The following MARK3 variants were observed in gnomAD, a reference collection of about 807,000 sequenced individuals.
The protein encoded by MARK3 is microtubule affinity regulating kinase 3, also known as MAP/microtubule affinity-regulating kinase 3.
In MARK3, 46 loss-of-function variants were observed where a neutral mutation model predicts 90.1. That is an observed-to-expected ratio of 0.51 (90% CI 0.40 to 0.65). The LOEUF is 0.65. Among genes scored for constraint, MARK3 ranks in the 30% least tolerant of loss-of-function variants. The pLI is 0.00. For synonymous variants in MARK3, 321 were observed against 332.6 expected, an observed-to-expected ratio of 0.97 and a Z score of 0.38; for missense variants, 818 against 947.2, an observed-to-expected ratio of 0.86 and a Z score of 1.79.
intron 3 of MARK3, among the ~76,000 whole-genome samples, chr14:103,440,787 T>G (rs2141199390): frequency 6.6e-6 from 1 of 151,812 alleles, no homozygotes; most frequent in South Asian, 2.1e-4. Context: ...ATTTTTTTTT[T>G]TTTTAATTAT....
chr14:103,426,439 T>C (rs1442419173), intron 2 of MARK3, among the ~76,000 whole-genome samples: 2 of 152,124 alleles, frequency 1.3e-5, no homozygotes, highest in Admixed American at 6.6e-5. Flanking sequence ...CCCTGGACTT[T>C]GGCTATAGAT....
At chr14:103,396,699 G>A (rs1595450159) in intron 1 of MARK3, among the ~76,000 whole-genome samples, 1 of 152,058 alleles carries the variant, frequency 6.6e-6, no homozygotes, top group Admixed American at 6.6e-5. Flanking sequence ...CTCTTCTTGG[G>A]TGGTGCCTGG....
intron 2 of MARK3, among the ~76,000 whole-genome samples, chr14:103,427,497 CAAAA>C (rs71126021): frequency 1.8e-5 from 2 of 110,820 alleles, no homozygotes; most frequent in South Asian, 6.3e-4. Flanking sequence ...GAGACTGTTT[CAAAA>C]AAAAAAAAAA....
chr14:103,450,652 A>G (rs1318743553), intron 4 of MARK3, among the ~76,000 whole-genome samples: 1 of 152,138 alleles, frequency 6.6e-6, no homozygotes, highest in African/African-American at 2.4e-5. Context: ...AGGGAATGGT[A>G]TGATAGCTTT....
intron 2 of MARK3, among the ~76,000 whole-genome samples, chr14:103,421,976 C>T (rs1017028233): frequency 6.6e-6 from 1 of 152,214 alleles, no homozygotes. Context: ...CCTAGACTCA[C>T]TGGTTTCCTT....
chr14:103,454,925 T>C (rs2093241086), intron 5 of MARK3, among the ~76,000 whole-genome samples: 1 of 152,222 alleles, frequency 6.6e-6, no homozygotes, highest in South Asian at 2.1e-4. Context: ...AGCCACTCTT[T>C]GCTTCTTGTT....
chr14:103,500,285 C>CT (rs934382096), intron 17 of MARK3, 85 bp downstream of exon 17: 1 of 1,001,426 alleles, frequency 1.0e-6, no homozygotes, highest in African/African-American at 1.6e-5. Context: ...TGAATGTTCC[C>CT]TACTGTATTC....
intron 3 of MARK3, among the ~76,000 whole-genome samples, chr14:103,446,637 T>TGGTCAG (rs1199646541): frequency 6.6e-6 from 1 of 151,442 alleles, no homozygotes; most frequent in Non-Finnish European, 1.5e-5. Context: ...GCCATGGCCA[T>TGGTCAG]GGTCAGGGTT....
chr14:103,499,915 A>G (rs564922093), intron 16 of MARK3: 1 of 537,956 alleles, frequency 1.9e-6, no homozygotes, highest in African/African-American at 1.9e-5. Context: ...AATGTGTGTG[A>G]TGTATGCAGT....
At chr14:103,432,543 G>A (rs75620324) in intron 3 of MARK3, among the ~76,000 whole-genome samples, 1,448 of 136,528 alleles carry the variant, frequency 0.011, 21 homozygotes, top group African/African-American at 0.034. Context: ...TTTAGAGACA[G>A]GCAAAGGCTG....
In MARK3 at chr14:103,462,399, A is replaced by G. The variant is rs373197790; in HGVS notation, c.484-6A>G. On this transcript the variant is annotated splice_region_variant and splice_polypyrimidine_tract_variant and intron_variant, in intron 6 of 17. Coordinates refer to ENST00000429436, the MANE Select transcript of MARK3 (RefSeq NM_001128918.3). ...TGATGACTGACTCTGCGTCTCTCCT[A>G]TTCAGATTGTGTCTGCAGTTCAATA... is the stretch of plus-strand genomic sequence containing the variant. 4.4e-6 allele frequency: 7 copies of G among 1,599,328 alleles called. No homozygotes were observed. The highest frequency in any genetic ancestry group is 1.7e-5 in the Admixed American group (1 of 59,806).
chr14:103,498,388 G>A (rs1427382586), intron 15 of MARK3, 114 bp from the exon 16 acceptor site: 3 of 716,042 alleles, frequency 4.2e-6, no homozygotes, highest in African/African-American at 3.8e-5. Flanking sequence ...ATTGGCCAGA[G>A]AAGGAACCCT....
At chr14:103,498,885 C>T (rs2075494221) in intron 16 of MARK3, 1 of 159,694 alleles carries the variant, frequency 6.3e-6, no homozygotes, top group African/African-American at 2.4e-5. Flanking sequence ...TAATGATTAT[C>T]CACAGGCATG....
chr14:103,494,325 G>C (rs948421884), intron 15 of MARK3, among the ~76,000 whole-genome samples: 2 of 151,278 alleles, frequency 1.3e-5, no homozygotes, highest in African/African-American at 4.9e-5. Context: ...GCCGAGGCAG[G>C]TGGATCACCT....
chr14:103,405,041 C>G, intron 1 of MARK3, 35 bp from the exon 2 acceptor site: 1 of 1,573,054 alleles, frequency 6.4e-7, no homozygotes. Flanking sequence ...TCTGTGTTCT[C>G]TCATTTCCTT....
chr14:103,456,012 ATTCT>A (rs2093270683), intron 5 of MARK3, among the ~76,000 whole-genome samples: 1 of 152,146 alleles, frequency 6.6e-6, no homozygotes, highest in Non-Finnish European at 1.5e-5. Context: ...AGAGGTGGTG[ATTCT>A]TTATTCTACA....
Position 103,460,956 on chromosome 14 carries a change from A to G in MARK3, c.484-1449A>G, listed in dbSNP as rs372285771. ...TTTGTTAATTATAAGTGGGTCTGAT[A>G]TTCTGAATGTTAATTTTAAATAATG... is the stretch of plus-strand genomic sequence containing the variant. On this transcript the variant is annotated intron_variant, in intron 6 of 17. Coordinates refer to ENST00000429436, the MANE Select transcript of MARK3 (RefSeq NM_001128918.3). Among the ~76,000 whole-genome samples the G allele has an allele frequency of 2.6e-4, 39 of 152,346 alleles. No individual in the cohort carries two copies. The East Asian group carries it at 7.1e-3, about 28-fold the overall frequency.
At chr14:103,475,347 T>TA in intron 13 of MARK3, 137 bp downstream of exon 13, 1 of 654,742 alleles carries the variant, frequency 1.5e-6, no homozygotes, top group Non-Finnish European at 2.7e-6. Flanking sequence ...AATCTTAACT[T>TA]ACAGAAATCC....
intron 2 of MARK3, 94 bp from the exon 3 acceptor site, chr14:103,428,293 T>C (rs886806809): frequency 1.1e-5 from 7 of 625,678 alleles, no homozygotes; most frequent in Non-Finnish European, 1.9e-5. Flanking sequence ...GTTGCTTGCT[T>C]GCTTGCTTGC....
Sources: allele counts gnomAD v4.1 joint callset (sites outside exome capture counted in the v4.1 genomes callset), GRCh38; gene constraint gnomAD v4.1.1; transcripts MANE v1.5; gene names NCBI Gene and HGNC (gene_info 2026-07-23, HGNC 2026-07-21).